MUC3A: variants seen among roughly 807,000 people sequenced by gnomAD.
MUC3A encodes the protein mucin-3A.
MUC3A carries 109 observed loss-of-function variants against 109.0 expected under a neutral mutation model. The ratio of observed to expected loss-of-function variants is 1.00; its 90% confidence interval spans 0.86 to 1.17. The LOEUF is 1.17. Among genes scored for constraint, MUC3A ranks in the 50% most tolerant of loss-of-function variants. The pLI, the probability that MUC3A is intolerant of heterozygous loss-of-function variation, is 0.00. For missense variants in MUC3A, 3,537 were observed against 2,469.4 expected, an observed-to-expected ratio of 1.43 and a Z score of -9.16; for synonymous variants, 1,398 against 981.4, an observed-to-expected ratio of 1.42 and a Z score of -7.93.
Position 100,956,002 on chromosome 7 carries a change from C to T in MUC3A, c.4223C>T (p.Thr1408Ile), listed in dbSNP as rs1031611977. 6.0e-6 allele frequency: 3 copies of T among 496,232 alleles called. No homozygotes were observed. The highest frequency in any genetic ancestry group is 1.1e-5 in the Non-Finnish European group (3 of 280,330). 30.7% of individuals were successfully genotyped at this position (496,232 alleles called of 1,614,324 possible). The change falls in exon 2 of 12, where the codon ACA becomes ATA. Residue 1408 changes from threonine (T) to isoleucine (I), a missense_variant. Thr to Ile is a moderately conservative substitution (Grantham distance 89). Transcript: ENST00000379458. Reference sequence around the variant, plus strand: ...ATGAGAACTACGACCTCTTGGCCCACAGCCACTAATACGTTATCACCACTC... The same window carrying T: ...ATGAGAACTACGACCTCTTGGCCCATAGCCACTAATACGTTATCACCACTC... ...TSMRTTTSWP[T>I]ATNTLSPLTS...
In MUC3A at chr7:100,960,645, G is replaced by T; in HGVS notation, c.8866G>T (p.Gly2956Cys). 1 of 1,596,982 alleles carries T rather than the reference G, an allele frequency of 6.3e-7. No individual in the cohort carries two copies. Among genetic ancestry groups the T allele is most frequent in the Non-Finnish European group, 8.5e-7 (1 of 1,178,768 alleles). The change falls in exon 2 of 12, where the codon GGC becomes TGC. Residue 2956 changes from glycine (G) to cysteine (C), a missense_variant and splice_region_variant. Gly to Cys is a radical substitution (Grantham distance 159, BLOSUM62 -3). Coordinates refer to ENST00000379458, the MANE Select transcript of MUC3A (RefSeq NM_005960.2). ...TTQSTLTTTA[G>C]TCDNGGTWEQ... ...ACAGTCCACGTTGACCACCACTGCA[G>T]GTTGGACCTTCTGCCTCTCTGTTCC...
In MUC3A at chr7:100,960,008, A is replaced by C. The variant is rs771368993; in HGVS notation, c.8229A>C (p.Ser2743=). ...CCTCTGCAACTACCAGCACTTCTTC[A>C]ACCAGCTCCTCTCTGACCACAGCTC... The part of the protein sequence containing the change: ...LSSSATTSTS[S]TSSSLTTALT... The change falls in exon 2 of 12, where the codon TCA becomes TCC. Residue 2743 remains serine (S), a synonymous_variant. Coordinates refer to ENST00000379458, the MANE Select transcript of MUC3A (RefSeq NM_005960.2). 1.3e-6 allele frequency: 2 copies of C among 1,507,680 alleles called. No homozygotes were observed. The highest frequency in any genetic ancestry group is 2.7e-5 in the South Asian group (2 of 74,360). The allele number at this position is 1,507,680 out of a possible 1,614,324, so 93.4% of individuals were successfully genotyped here.
Position 100,956,140 on chromosome 7 carries a change from C to G in MUC3A, c.4361C>G (p.Thr1454Ser), listed in dbSNP as rs1792090018. The G allele has an allele frequency of 3.2e-5, 14 of 442,760 alleles. No homozygotes were observed. The South Asian group carries it at 3.4e-4, about 11-fold the overall frequency. 27.4% of individuals were successfully genotyped at this position (442,760 alleles called of 1,614,324 possible). Residue 1454 changes from threonine to serine, a missense_variant, in exon 2 of 12, where the codon ACC (threonine) becomes AGC (serine). Transcript: ENST00000379458. The part of the protein sequence containing the change: ...TLVTTLPITI[T>S]RSTLTSETAY... The stretch of plus-strand genomic sequence containing the variant: ...GTGACTACACTCCCCATTACCATCA[C>G]CAGGTCTACACTTACATCTGAGACC...
chr7:100,964,223 A>C, intron 5 of MUC3A: 1 of 215,170 alleles, frequency 4.6e-6, no homozygotes, highest in Non-Finnish European at 9.3e-6. Context: ...GATCACCTGA[A>C]AGCAGTTCAA....
intron 6 of MUC3A, 68 bp downstream of exon 6, chr7:100,964,911 G>T (rs762101595): frequency 5.0e-3 from 7,526 of 1,513,594 alleles, no homozygotes; most frequent in Middle Eastern, 6.5e-3. Context: ...GCTCAGCCAG[G>T]GGGCCACTGG....
chr7:100,964,122 AT>A (rs1792440637), intron 5 of MUC3A: 2 of 398,700 alleles, frequency 5.0e-6, no homozygotes, highest in African/African-American at 4.1e-5. Context: ...CGCCCGGTGG[AT>A]GATGGCTTGA....
In MUC3A at chr7:100,952,025, C is replaced by G. The variant is rs1225603331; in HGVS notation, c.246C>G (p.Pro82=). The change falls in exon 2 of 12, where the codon CCC becomes CCG. Residue 82 remains proline (P), a synonymous_variant. Transcript: ENST00000379458. ...CACCTATGACACTCACTACCTCCCC[C>G]CATGACACACTCATCTCTGAAACAT... ...ENAPMTLTTS[P]HDTLISETLL... is the part of the protein sequence containing the mutation. The G allele has an allele frequency of 5.0e-6, 8 of 1,598,662 alleles. No individual in the cohort carries two copies. In the South Asian group the frequency reaches 5.5e-5, roughly 11 times the overall value.
intron 5 of MUC3A, chr7:100,964,151 G>C: frequency 5.8e-6 from 2 of 345,644 alleles, no homozygotes; most frequent in Non-Finnish European, 1.1e-5. Context: ...AGAAGAGAAC[G>C]TCAGGCCAGA....
At position 100,954,025 on chromosome 7, in the gene MUC3A, T is replaced by C; in HGVS notation, c.2246T>C (p.Val749Ala). ...TCTCTTCCACCCACCTCTCCCTTGGTCTCAACTGCAAAAACAGCCAAAACT... is the reference window on the plus strand; with the variant it reads ...TCTCTTCCACCCACCTCTCCCTTGGCCTCAACTGCAAAAACAGCCAAAACT... Reference protein sequence around the residue: ...ATSLPPTSPLVSTAKTAKTPT... With the variant: ...ATSLPPTSPLASTAKTAKTPT... The change falls in exon 2 of 12, where the codon GTC becomes GCC. Residue 749 changes from valine (V) to alanine (A), a missense_variant. Coordinates refer to ENST00000379458, the MANE Select transcript of MUC3A (RefSeq NM_005960.2). 2 of 361,208 alleles carry C rather than the reference T, an allele frequency of 5.5e-6. No homozygotes were observed. Among genetic ancestry groups the C allele is most frequent in the East Asian group, 3.6e-5 (1 of 27,526 alleles). 22.4% of individuals were successfully genotyped at this position (361,208 alleles called of 1,614,324 possible). A position where few individuals can be genotyped will look rare whatever the true frequency, so the allele number is the denominator to read the frequency against.
rs1446295257 is a variant in MUC3A at position 100,957,615 on chromosome 7, A to G, written c.5836A>G (p.Thr1946Ala). ...HSTPRFTSSI[T>A]NTKTTSHSSP... ...TACTCCCAGATTCACTTCTTCAATC[A>G]CCAATACCAAGACCACCTCACACAG... The change falls in exon 2 of 12, where the codon ACC (threonine) becomes GCC (alanine). Residue 1946 changes from threonine (T) to alanine (A), a missense_variant. Thr to Ala is a moderately conservative substitution (Grantham distance 58, BLOSUM62 0). Coordinates refer to ENST00000379458, the MANE Select transcript of MUC3A (RefSeq NM_005960.2). The G allele has an allele frequency of 3.4e-5, 40 of 1,190,072 alleles. No individual in the cohort carries two copies. Among genetic ancestry groups the G allele is most frequent in the Non-Finnish European group, 3.9e-5 (38 of 977,398 alleles). 73.7% of individuals were successfully genotyped at this position (1,190,072 alleles called of 1,614,324 possible). A position where few individuals can be genotyped will look rare whatever the true frequency, so the allele number is the denominator to read the frequency against.
At position 100,954,476 on chromosome 7, in the gene MUC3A, C is replaced by T. The variant is rs1030697450; in HGVS notation, c.2697C>T (p.Ser899=). The T allele has an allele frequency of 5.0e-6, 2 of 402,232 alleles. No individual in the cohort carries two copies. The highest frequency in any genetic ancestry group is 3.6e-5 in the East Asian group (1 of 28,136). 24.9% of individuals were successfully genotyped at this position (402,232 alleles called of 1,614,324 possible). Residue 899 remains serine (S), a synonymous_variant, in exon 2 of 12, where the codon TCC becomes TCT. Transcript: ENST00000379458. ...FTSTENTPTR[S]LLTSFPMTHS... is the part of the protein sequence containing the mutation. Reference sequence around the variant, plus strand: ...GTACTGAGAACACTCCAACAAGGTCCCTCCTGACAAGCTTTCCAATGACAC... The same window carrying T: ...GTACTGAGAACACTCCAACAAGGTCTCTCCTGACAAGCTTTCCAATGACAC...
Position 100,959,369 on chromosome 7 carries a change from CTCCA to C in MUC3A, c.7595_7598del (p.Ile2532LysfsTer19). The stretch of plus-strand genomic sequence containing the variant: ...GAACACACATCATTTCATCTTCTCC[CTCCA>C]TCCAAAGTACAGAAACCTCATCCCT... On this transcript the variant is annotated frameshift_variant, in exon 2 of 12. Transcript: ENST00000379458. LOFTEE classifies it high-confidence loss of function. 6.5e-7 allele frequency: 1 copy of C among 1,540,424 alleles called. No homozygotes were observed. Among genetic ancestry groups the C allele is most frequent in the African/African-American group, 1.4e-5 (1 of 73,392 alleles).
At chr7:100,965,489 T>A in intron 7 of MUC3A, 142 bp downstream of exon 7, 1 of 1,446,272 alleles carries the variant, frequency 6.9e-7, no homozygotes, top group Non-Finnish European at 9.3e-7. Flanking sequence ...TTCCTGGCGC[T>A]GGTTAGTGGC....
chr7:100,960,090 G>A lies in MUC3A; in HGVS notation c.8311G>A (p.Gly2771Arg). 2.0e-6 allele frequency: 3 copies of A among 1,521,860 alleles called. No homozygotes were observed. The highest frequency in any genetic ancestry group is 2.6e-6 in the Non-Finnish European group (3 of 1,143,950). 94.3% of individuals were successfully genotyped at this position (1,521,860 alleles called of 1,614,324 possible). A position where few individuals can be genotyped will look rare whatever the true frequency, so the allele number is the denominator to read the frequency against. Residue 2771 changes from glycine (G) to arginine (R), a missense_variant, in exon 2 of 12, where the codon GGA becomes AGA. Gly to Arg is a moderately radical substitution (Grantham distance 125). Transcript: ENST00000379458. ...CCTTCCCTCCACCACACCCTGTCCA[G>A]GAACTATAACAATTACCATAGTCCC... ...ISLPSTTPCPGTITITIVPAS... is the reference protein window; with the variant it reads ...ISLPSTTPCPRTITITIVPAS...
chr7:100,958,669 C>G lies in MUC3A; in HGVS notation c.6890C>G (p.Thr2297Ser), dbSNP rs567577518. 5 of 1,587,236 alleles carry G rather than the reference C, an allele frequency of 3.2e-6. No individual in the cohort carries two copies. Among genetic ancestry groups the G allele is most frequent in the Middle Eastern group, 1.7e-4 (1 of 6,026 alleles). Residue 2297 changes from threonine (T) to serine (S), a missense_variant, in exon 2 of 12, where the codon ACC becomes AGC. Physicochemically the swap from Thr to Ser is moderately conservative, Grantham distance 58 (BLOSUM62 1). Transcript: ENST00000379458. ...TPSSTSLITT[T>S]KTTSHSTPSF... is the part of the protein sequence containing the mutation. The stretch of plus-strand genomic sequence containing the variant: ...AGCTCCACTTCTTTAATCACCACCA[C>G]CAAGACCACCTCACACAGTACTCCC...
intron 8 of MUC3A, 122 bp from the exon 9 acceptor site, chr7:100,966,264 G>T (rs1391329059): frequency 5.1e-5 from 59 of 1,157,326 alleles, no homozygotes; most frequent in Non-Finnish European, 6.4e-5. Flanking sequence ...CTTGTCTAGG[G>T]TGGAACCCCC....
Position 100,957,626 on chromosome 7 carries a change from G to A in MUC3A, c.5847G>A (p.Lys1949=). The A allele has an allele frequency of 6.3e-7, 1 of 1,584,400 alleles. No homozygotes were observed. Among genetic ancestry groups the A allele is most frequent in the East Asian group, 2.2e-5 (1 of 44,462 alleles). The change falls in exon 2 of 12, where the codon AAG becomes AAA. Residue 1949 remains lysine, a synonymous_variant. Transcript: ENST00000379458. The part of the protein sequence containing the change: ...PRFTSSITNT[K]TTSHSSPSFT... ...TCACTTCTTCAATCACCAATACCAA[G>A]ACCACCTCACACAGCTCTCCCAGCT...
chr7:100,966,271 C>T (rs1342006491), intron 8 of MUC3A, 115 bp from the exon 9 acceptor site: 23 of 902,374 alleles, frequency 2.5e-5, no homozygotes, highest in Non-Finnish European at 2.9e-5. Context: ...AGGGTGGAAC[C>T]CCCCGCTGCC....
intron 3 of MUC3A, 107 bp downstream of exon 3, chr7:100,961,044 C>A (rs952990763): frequency 2.6e-6 from 4 of 1,564,658 alleles, no homozygotes; most frequent in South Asian, 2.3e-5. Context: ...CCTTTTTGCC[C>A]GGTCCTTCCC....
Sources: gnomAD v4.1 joint callset for allele counts on GRCh38, gnomAD v4.1.1 for gene constraint, MANE v1.5 for transcripts, NCBI Gene and HGNC (gene_info 2026-07-23, HGNC 2026-07-21) for gene names.